NUMB: variants seen among roughly 807,000 people sequenced by gnomAD.
NUMB encodes the protein protein numb homolog.
NUMB carries 29 observed loss-of-function variants against 59.7 expected under a neutral mutation model. The observed-to-expected ratio is 0.49, with a 90% CI of 0.36 to 0.66. The LOEUF is 0.66. Ranked by LOEUF, NUMB falls within the 30% of genes least tolerant of loss-of-function variation. The pLI, the probability that NUMB is intolerant of heterozygous loss-of-function variation, is 0.00. For synonymous variants in NUMB, 288 were observed against 288.2 expected (o/e 1.00, Z 0.01); for missense variants, 723 against 822.0 (o/e 0.88, Z 1.47).
chr14:73,375,337 C>A (rs946339402), intron 2 of NUMB, among the ~76,000 whole-genome samples: 12 of 152,148 alleles, frequency 7.9e-5, no homozygotes, highest in Admixed American at 2.0e-4. Flanking sequence ...TATTTTACAA[C>A]AATCCCCATT....
At chr14:73,446,738 A>T (rs1883539657) in intron 1 of NUMB, among the ~76,000 whole-genome samples, 1 of 152,100 alleles carries the variant, frequency 6.6e-6, no homozygotes, top group Non-Finnish European at 1.5e-5. Context: ...CCTCGGCAGC[A>T]TAACAAGACC....
intron 1 of NUMB, among the ~76,000 whole-genome samples, chr14:73,421,652 T>C (rs1397026162): frequency 1.3e-5 from 2 of 152,092 alleles, no homozygotes; most frequent in Non-Finnish European, 2.9e-5. Context: ...TCAAATACCA[T>C]AAGGGGCAAT....
chr14:73,381,019 G>T (rs577438830), intron 2 of NUMB, among the ~76,000 whole-genome samples: 1 of 151,998 alleles, frequency 6.6e-6, no homozygotes, highest in Non-Finnish European at 1.5e-5. Context: ...CACTGCACCC[G>T]ACCTCAATTA....
chr14:73,289,528 A>G (rs1889246661), intron 8 of NUMB, among the ~76,000 whole-genome samples: 1 of 151,794 alleles, frequency 6.6e-6, no homozygotes, highest in South Asian at 2.1e-4. Context: ...TCACGTAGGC[A>G]GCTGCTCCTA....
intron 3 of NUMB, among the ~76,000 whole-genome samples, chr14:73,360,639 C>G (rs991920227): frequency 3.3e-5 from 5 of 152,076 alleles, no homozygotes; most frequent in Admixed American, 2.0e-4. Flanking sequence ...CTTTATGATC[C>G]TTTCAGTTAA....
chr14:73,440,232 T>C (rs865828032), intron 1 of NUMB, among the ~76,000 whole-genome samples: 2 of 81,664 alleles, frequency 2.4e-5, no homozygotes, highest in African/African-American at 5.7e-5. Flanking sequence ...TATATATGGA[T>C]ATCCATATAT....
intron 1 of NUMB, among the ~76,000 whole-genome samples, chr14:73,418,747 G>A (rs1353022214): frequency 1.3e-5 from 2 of 151,438 alleles, no homozygotes; most frequent in Non-Finnish European, 2.9e-5. Context: ...CTCCAGCCTG[G>A]ACAACAAGAG....
At chr14:73,345,082 A>T (rs1344822900) in intron 4 of NUMB, among the ~76,000 whole-genome samples, 1 of 152,248 alleles carries the variant, frequency 6.6e-6, no homozygotes, top group Non-Finnish European at 1.5e-5. Flanking sequence ...AATAGCAAAG[A>T]TACGGAATCA....
chr14:73,321,773 A>C (rs1891417380), intron 5 of NUMB, among the ~76,000 whole-genome samples: 1 of 152,220 alleles, frequency 6.6e-6, no homozygotes, highest in Admixed American at 6.5e-5. Context: ...TAAGAATTTT[A>C]ATGATCAAAA....
intron 2 of NUMB, among the ~76,000 whole-genome samples, chr14:73,394,312 G>T (rs1177686908): frequency 1.3e-5 from 2 of 151,306 alleles, no homozygotes; most frequent in Admixed American, 6.6e-5. Flanking sequence ...ATTGTGAAAT[G>T]GTTAAATTGA....
intron 4 of NUMB, among the ~76,000 whole-genome samples, chr14:73,332,631 T>C (rs1255404137): frequency 1.8e-5 from 2 of 111,028 alleles, no homozygotes; most frequent in Non-Finnish European, 3.7e-5. Context: ...AATTCCCTTT[T>C]AATTTCTATT....
intron 2 of NUMB, among the ~76,000 whole-genome samples, chr14:73,369,635 C>A (rs1450795413): frequency 1.3e-5 from 2 of 152,136 alleles, no homozygotes; most frequent in Non-Finnish European, 2.9e-5. Context: ...CTTCCCACCT[C>A]CAAAAGAGGA....
chr14:73,323,063 T>C lies in NUMB; in HGVS notation c.201+67A>G. ...TTTTTACTGGGTCACTAAAATGTAC[T>C]GAGCAAAATCTTTTAAGAAAATATT... On this transcript the variant is annotated intron_variant, in intron 5 of 12. Transcript: ENST00000555238. The C allele has an allele frequency of 4.7e-6, 6 of 1,269,110 alleles. No homozygotes were observed. The South Asian group carries it at 7.5e-5, about 16-fold the overall frequency. 78.6% of individuals were successfully genotyped at this position (1,269,110 alleles called of 1,614,324 possible).
intron 1 of NUMB, among the ~76,000 whole-genome samples, chr14:73,414,220 T>C (rs1038214726): frequency 5.3e-5 from 8 of 152,084 alleles, no homozygotes; most frequent in Non-Finnish European, 1.0e-4. Context: ...CCTCCCGAAG[T>C]GCTGGGATTA....
intron 1 of NUMB, among the ~76,000 whole-genome samples, chr14:73,421,253 C>T (rs1035564119): frequency 3.3e-5 from 5 of 151,942 alleles, no homozygotes; most frequent in Non-Finnish European, 5.9e-5. Context: ...GGTGCAATCT[C>T]GGCCCACTGC....
chr14:73,380,579 T>C (rs551892283), intron 2 of NUMB, among the ~76,000 whole-genome samples: 1 of 152,276 alleles, frequency 6.6e-6, no homozygotes, highest in South Asian at 2.1e-4. Flanking sequence ...ATTTTTTTCA[T>C]TTCTTATACT....
At chr14:73,349,387 T>C (rs914361333) in intron 4 of NUMB, among the ~76,000 whole-genome samples, 1 of 151,414 alleles carries the variant, frequency 6.6e-6, no homozygotes, top group Non-Finnish European at 1.5e-5. Context: ...CAGGAGTTCA[T>C]GACCAGCCTG....
intron 4 of NUMB, among the ~76,000 whole-genome samples, chr14:73,333,969 A>G (rs1157514029): frequency 6.6e-6 from 1 of 151,958 alleles, no homozygotes; most frequent in Non-Finnish European, 1.5e-5. Context: ...GGATCAGGCA[A>G]TTCTCCTGCC....
At chr14:73,415,099 A>C (rs1026956110) in intron 1 of NUMB, among the ~76,000 whole-genome samples, 2 of 152,148 alleles carry the variant, frequency 1.3e-5, no homozygotes, top group African/African-American at 4.8e-5. Flanking sequence ...TAACAAACCA[A>C]CTTCAAATGT....
Sources: allele counts gnomAD v4.1 joint callset (sites outside exome capture counted in the v4.1 genomes callset), GRCh38; gene constraint gnomAD v4.1.1; transcripts MANE v1.5; gene names NCBI Gene and HGNC (gene_info 2026-07-23, HGNC 2026-07-21).